Variants in ZMYND11 observed in about 807,000 individuals in gnomAD.
ZMYND11 encodes the protein zinc finger MYND-type containing 11, also known as zinc finger MYND domain-containing protein 11.
A neutral mutation model predicts 84.9 loss-of-function variants in ZMYND11; 9 were observed. The observed-to-expected ratio is 0.11, with a 90% CI of 0.06 to 0.18. The LOEUF (loss-of-function observed/expected upper bound fraction) is 0.18, where lower values mean the gene tolerates loss of function less well. ZMYND11 is among the 10% of genes least tolerant of loss of function. ZMYND11 has a pLI of 1.00. For missense variants in ZMYND11, 409 were observed against 761.0 expected (o/e 0.54, Z 5.44); for synonymous variants, 250 against 244.1 (o/e 1.02, Z -0.23).
At chr10:142,262 G>C (rs1367366541) in intron 1 of ZMYND11, among the ~76,000 whole-genome samples, 2 of 152,076 alleles carry the variant, frequency 1.3e-5, no homozygotes, top group Non-Finnish European at 1.5e-5. Flanking sequence ...CACCATGCCT[G>C]GCTAATTTTT....
intron 1 of ZMYND11, among the ~76,000 whole-genome samples, chr10:138,892 G>A (rs915151355): frequency 1.3e-5 from 2 of 152,122 alleles, no homozygotes; most frequent in African/African-American, 4.8e-5. Context: ...CGCCCAGGCT[G>A]GAGTGCAGTG....
chr10:181,173 A>G (rs1390410955), intron 2 of ZMYND11, among the ~76,000 whole-genome samples: 1 of 152,248 alleles, frequency 6.6e-6, no homozygotes, highest in Non-Finnish European at 1.5e-5. Context: ...GATACTTTTC[A>G]CATTCTTTAG....
chr10:230,771 C>T lies in ZMYND11; in HGVS notation c.439-6067C>T, dbSNP rs753618987. ...AACTGCTTCACATTTTAGATGGGTCCTCATATTCTTGAGTTTAGCTGCATG... is the reference window on the plus strand; with the variant it reads ...AACTGCTTCACATTTTAGATGGGTCTTCATATTCTTGAGTTTAGCTGCATG... On this transcript the variant is annotated intron_variant, in intron 4 of 14. Coordinates refer to ENST00000381604, the MANE Select transcript of ZMYND11 (RefSeq NM_001370100.5). 5.3e-5 allele frequency among the ~76,000 whole-genome samples: 8 copies of T among 152,148 alleles called. No individual in the cohort carries two copies. In the East Asian group the frequency reaches 1.2e-3, roughly 22 times the overall value.
At chr10:220,599 A>G (rs2131411020) in intron 3 of ZMYND11, among the ~76,000 whole-genome samples, 1 of 152,300 alleles carries the variant, frequency 6.6e-6, no homozygotes, top group African/African-American at 2.4e-5. Context: ...TTAAACCTTT[A>G]GTTTCACAGT....
At chr10:247,352 AT>A (rs1360049495) in intron 11 of ZMYND11, 45 bp from the exon 12 acceptor site, 2 of 1,603,172 alleles carry the variant, frequency 1.2e-6, no homozygotes, top group African/African-American at 1.3e-5. Flanking sequence ...GCAGAGAAGT[AT>A]TTTCTAGTGT....
rs1564462096 is a variant in ZMYND11 at position 246,991 on chromosome 10, A to C, written c.1158+18A>C. ...ATGAGCAGGTGAGTGTGTCTCCGGA[A>C]GGAAGTGCCTATTCATTATTACTTT... On this transcript the variant is annotated intron_variant, in intron 11 of 14. Coordinates refer to ENST00000381604, the MANE Select transcript of ZMYND11 (RefSeq NM_001370100.5). 1 of 1,578,204 alleles carries C rather than the reference A, an allele frequency of 6.3e-7. No individual in the cohort carries two copies. The highest frequency in any genetic ancestry group is 1.8e-5 in the Admixed American group (1 of 55,138).
chr10:152,723 C>T (rs1435344346), intron 1 of ZMYND11, among the ~76,000 whole-genome samples: 9 of 152,224 alleles, frequency 5.9e-5, no homozygotes, highest in African/African-American at 2.2e-4. Flanking sequence ...TACTAGACAT[C>T]TACAGAACTC....
At chr10:250,454 C>T (rs1953195613) in intron 14 of ZMYND11, among the ~76,000 whole-genome samples, 1 of 152,184 alleles carries the variant, frequency 6.6e-6, no homozygotes, top group Non-Finnish European at 1.5e-5. Flanking sequence ...GTCATTGCAC[C>T]ACTGCACTCC....
chr10:173,744 A>G (rs2131678898), intron 1 of ZMYND11, among the ~76,000 whole-genome samples: 1 of 152,190 alleles, frequency 6.6e-6, no homozygotes, highest in East Asian at 1.9e-4. Context: ...TTTAAGGGCA[A>G]AAGACCTGGC....
chr10:211,421 C>T (rs561870118), intron 3 of ZMYND11, among the ~76,000 whole-genome samples: 1 of 152,080 alleles, frequency 6.6e-6, no homozygotes, highest in African/African-American at 2.4e-5. Flanking sequence ...ATAATTGGTT[C>T]TTTGTGGAAA....
At chr10:242,251 A>AAG (rs964674852) in intron 10 of ZMYND11, 112 bp downstream of exon 10, 43 of 1,476,088 alleles carry the variant, frequency 2.9e-5, no homozygotes, top group Non-Finnish European at 3.9e-5. Flanking sequence ...TTGGAAAAAA[A>AAG]AAACACATTA....
intron 1 of ZMYND11, among the ~76,000 whole-genome samples, chr10:163,220 C>G (rs1843286847): frequency 1.3e-5 from 2 of 152,082 alleles, no homozygotes; most frequent in African/African-American, 2.4e-5. Flanking sequence ...TATGACCGCT[C>G]CCCATCACCC....
At chr10:148,725 G>T (rs1189557961) in intron 1 of ZMYND11, 1 of 152,278 alleles carries the variant, frequency 6.6e-6, no homozygotes, top group Non-Finnish European at 1.5e-5. Context: ...GCTTGGTGCT[G>T]ACTGTTGACA....
chr10:222,364 C>T (rs2131436886), intron 4 of ZMYND11, among the ~76,000 whole-genome samples: 1 of 152,254 alleles, frequency 6.6e-6, no homozygotes, highest in East Asian at 1.9e-4. Context: ...TATACTTACT[C>T]ATTAGGCATA....
At chr10:152,342 A>G (rs1417252198) in intron 1 of ZMYND11, among the ~76,000 whole-genome samples, 1 of 152,206 alleles carries the variant, frequency 6.6e-6, no homozygotes, top group Non-Finnish European at 1.5e-5. Context: ...AGAGACACAC[A>G]TAGGCTCAAA....
chr10:247,561 TCTTGGTGGATA>T, intron 12 of ZMYND11, 95 bp downstream of exon 12: 1 of 1,314,624 alleles, frequency 7.6e-7, no homozygotes, highest in Non-Finnish European at 1.1e-6. Flanking sequence ...AGACAGTCAC[TCTTGGTGGATA>T]CTTGTGAAAT....
intron 2 of ZMYND11, among the ~76,000 whole-genome samples, chr10:183,157 T>C (rs980123238): frequency 6.6e-6 from 1 of 152,144 alleles, no homozygotes; most frequent in African/African-American, 2.4e-5. Context: ...TTTACTTCTG[T>C]ATAATGGTTT....
At chr10:133,070 G>A (rs1835358462), upstream of ZMYND11, among the ~76,000 whole-genome samples, 1 of 152,168 alleles carries the variant, frequency 6.6e-6, no homozygotes, top group African/African-American at 2.4e-5. Context: ...CAGCTGAGGG[G>A]CAAATGAGAT....
At chr10:171,182 G>C (rs1845227207) in intron 1 of ZMYND11, among the ~76,000 whole-genome samples, 1 of 152,076 alleles carries the variant, frequency 6.6e-6, no homozygotes, top group South Asian at 2.1e-4. Context: ...CACAAAAACT[G>C]ATAGAACTGC....
Sources: allele counts gnomAD v4.1 joint callset (sites outside exome capture counted in the v4.1 genomes callset), GRCh38; gene constraint gnomAD v4.1.1; transcripts MANE v1.5; gene names NCBI Gene and HGNC (gene_info 2026-07-23, HGNC 2026-07-21).